Variants in ATF6 observed in about 807,000 individuals in gnomAD.
ATF6 encodes the protein activating transcription factor 6, also known as cyclic AMP-dependent transcription factor ATF-6 alpha.
In ATF6, 53 loss-of-function variants were observed where a neutral mutation model predicts 83.6. The observed-to-expected ratio is 0.63, with a 90% CI of 0.51 to 0.80. The LOEUF (loss-of-function observed/expected upper bound fraction) is 0.80. Ranked by LOEUF, ATF6 falls within the 30% of genes least tolerant of loss-of-function variation. The pLI, the probability that ATF6 is intolerant of heterozygous loss-of-function variation, is 0.00. For missense variants in ATF6, 744 were observed against 797.9 expected (o/e 0.93, Z 0.81); for synonymous variants, 288 against 285.8 (o/e 1.01, Z -0.08).
intron 15 of ATF6, among the ~76,000 whole-genome samples, chr1:161,924,897 C>T (rs1304489458): frequency 6.6e-6 from 1 of 152,184 alleles, no homozygotes; most frequent in Non-Finnish European, 1.5e-5. Context: ...TAACTCCCTT[C>T]GAGGGATTGG....
At chr1:161,820,232 T>G (rs1685719762) in intron 8 of ATF6, among the ~76,000 whole-genome samples, 1 of 152,228 alleles carries the variant, frequency 6.6e-6, no homozygotes, top group South Asian at 2.1e-4. Context: ...CCAAGAGGTT[T>G]TAATCTCCTC....
chr1:161,766,703 T>C (rs1271741607), intron 1 of ATF6, among the ~76,000 whole-genome samples: 3 of 152,186 alleles, frequency 2.0e-5, no homozygotes, highest in Non-Finnish European at 4.4e-5. Flanking sequence ...TACCGGGTGA[T>C]CTTTTTGTGT....
chr1:161,784,165 G>A (rs1032103284), intron 4 of ATF6, 69 bp downstream of exon 4: 18 of 1,086,826 alleles, frequency 1.7e-5, no homozygotes, highest in Non-Finnish European at 2.4e-5. Flanking sequence ...ATATGGAGGA[G>A]GCAGTTAACA....
intron 4 of ATF6, among the ~76,000 whole-genome samples, chr1:161,791,062 ATGTGTGTGTGTGTGTGTGTGTCTCTG>A (rs1172854642): frequency 2.9e-5 from 4 of 137,218 alleles, no homozygotes; most frequent in African/African-American, 1.3e-4. Flanking sequence ...CAAGTTTTAT[ATGTGTGTGTGTGTGTGTGTGTCTCTG>A]TGTGTGTGTG....
chr1:161,831,624 G>A (rs1686063013), intron 9 of ATF6, among the ~76,000 whole-genome samples: 2 of 152,052 alleles, frequency 1.3e-5, no homozygotes, highest in African/African-American at 4.8e-5. Flanking sequence ...CATAAAAAAT[G>A]ATGAGTTCAT....
At chr1:161,880,418 C>T (rs975949109) in intron 14 of ATF6, among the ~76,000 whole-genome samples, 2 of 151,934 alleles carry the variant, frequency 1.3e-5, no homozygotes, top group Non-Finnish European at 2.9e-5. Flanking sequence ...CCCCATCAGT[C>T]CCAAAAGTTT....
intron 13 of ATF6, 22 bp from the exon 14 acceptor site, chr1:161,863,176 C>A: frequency 7.2e-7 from 1 of 1,392,226 alleles, no homozygotes; most frequent in Non-Finnish European, 1.0e-6. Context: ...TTTAGTAATA[C>A]CTTATATTTT....
chr1:161,798,987 A>G (rs1239662822), intron 6 of ATF6, among the ~76,000 whole-genome samples: 4 of 152,266 alleles, frequency 2.6e-5, no homozygotes, highest in Non-Finnish European at 4.4e-5. Context: ...GAATGCATAT[A>G]CATTGCTGGT....
At chr1:161,818,182 G>A (rs1685661553) in intron 7 of ATF6, among the ~76,000 whole-genome samples, 1 of 151,580 alleles carries the variant, frequency 6.6e-6, no homozygotes, top group South Asian at 2.1e-4. Context: ...ACACTCTAGA[G>A]TGTTTACTTT....
intron 4 of ATF6, among the ~76,000 whole-genome samples, chr1:161,790,487 A>G (rs534024769): frequency 1.3e-5 from 2 of 152,262 alleles, no homozygotes; most frequent in East Asian, 1.9e-4. Context: ...TATCTCAATC[A>G]TTATGAATTC....
At chr1:161,787,936 A>G (rs951517835) in intron 4 of ATF6, among the ~76,000 whole-genome samples, 1 of 152,184 alleles carries the variant, frequency 6.6e-6, no homozygotes, top group African/African-American at 2.4e-5. Flanking sequence ...ATAAATTCCT[A>G]TTGCTCTGTG....
chr1:161,886,682 C>G (rs1040930819), intron 14 of ATF6, among the ~76,000 whole-genome samples: 7 of 152,172 alleles, frequency 4.6e-5, no homozygotes, highest in African/African-American at 1.7e-4. Flanking sequence ...ACATGCGGTC[C>G]ATTGTTGACA....
chr1:161,879,619 T>G (rs922436460), intron 14 of ATF6, among the ~76,000 whole-genome samples: 5 of 152,130 alleles, frequency 3.3e-5, no homozygotes, highest in African/African-American at 1.2e-4. Flanking sequence ...CTGCCTGTTC[T>G]GCAAGTACCT....
intron 14 of ATF6, among the ~76,000 whole-genome samples, chr1:161,910,438 T>C (rs1457778398): frequency 1.3e-5 from 2 of 152,172 alleles, no homozygotes; most frequent in Admixed American, 1.3e-4. Context: ...GTTTTTAGCT[T>C]TCTGCTGCAA....
intron 7 of ATF6, among the ~76,000 whole-genome samples, chr1:161,809,143 C>A (rs938087996): frequency 3.3e-5 from 5 of 152,158 alleles, no homozygotes; most frequent in Non-Finnish European, 7.3e-5. Context: ...GTGTTGCACC[C>A]ATTAACTCGT....
Position 161,802,052 on chromosome 1 carries a change from G to A in ATF6, c.689G>A (p.Gly230Asp). ...IISLQPAPTK[G>D]QTVLLSQPTV... ...ATTCCTTTTCTTTTTTCTAACGCAG[G>A]CCAGACGGTTTTGCTGTCTCAGCCT... The change falls in exon 7 of 16, where the codon GGC (glycine) becomes GAC (aspartate). Residue 230 changes from glycine (G) to aspartate (D), a missense_variant and splice_region_variant. By Grantham distance (94) the Gly-to-Asp change is moderately conservative. Coordinates refer to ENST00000367942, the MANE Select transcript of ATF6 (RefSeq NM_007348.4). 1.2e-6 allele frequency: 2 copies of A among 1,613,926 alleles called. No homozygotes were observed. The highest frequency in any genetic ancestry group is 1.7e-6 in the Non-Finnish European group (2 of 1,179,938).
At chr1:161,952,795 G>T (rs1688891709) in intron 15 of ATF6, among the ~76,000 whole-genome samples, 1 of 152,118 alleles carries the variant, frequency 6.6e-6, no homozygotes, top group South Asian at 2.1e-4. Context: ...GTTCCTGGTG[G>T]TGACTCAGAT....
intron 15 of ATF6, among the ~76,000 whole-genome samples, chr1:161,916,031 A>T (rs1688091828): frequency 6.6e-6 from 1 of 152,082 alleles, no homozygotes; most frequent in Non-Finnish European, 1.5e-5. Context: ...ACTTACACTC[A>T]CTGCTTCTAC....
At chr1:161,888,794 C>T (rs1366774623) in intron 14 of ATF6, among the ~76,000 whole-genome samples, 1 of 152,218 alleles carries the variant, frequency 6.6e-6, no homozygotes, top group East Asian at 1.9e-4. Flanking sequence ...TTTTCCCTGC[C>T]TAAATTCCTT....
Sources: gnomAD v4.1 joint callset for allele counts (sites outside exome capture counted in the v4.1 genomes callset) on GRCh38, gnomAD v4.1.1 for gene constraint, MANE v1.5 for transcripts, NCBI Gene and HGNC (gene_info 2026-07-23, HGNC 2026-07-21) for gene names.